ZNF385D: variants seen among roughly 807,000 people sequenced by gnomAD.
ZNF385D encodes the protein zinc finger protein 659.
A neutral mutation model predicts 35.8 loss-of-function variants in ZNF385D; 15 were observed. The ratio of observed to expected loss-of-function variants is 0.42; its 90% CI spans 0.28 to 0.64. The LOEUF (loss-of-function observed/expected upper bound fraction) is 0.64. Among genes scored for constraint, ZNF385D ranks in the 30% least tolerant of loss-of-function variants. ZNF385D has a pLI of 0.23. For synonymous variants in ZNF385D, 212 were observed against 186.8 expected, an observed-to-expected ratio of 1.13 and a Z score of -1.10; for missense variants, 474 against 494.6, an observed-to-expected ratio of 0.96 and a Z score of 0.39.
chr3:22,151,549 C>T (rs1301578115), intron 3 of ZNF385D, among the ~76,000 whole-genome samples: 2 of 152,136 alleles, frequency 1.3e-5, no homozygotes, highest in South Asian at 2.1e-4. Context: ...GACAAACAAA[C>T]CAACAAGGTC....
rs1195014463 is a variant in ZNF385D at position 22,338,351 on chromosome 3, A to T, written c.106+34099T>A. Among the ~76,000 whole-genome samples, 7 of 152,198 alleles carry T rather than the reference A, an allele frequency of 4.6e-5. No individual in the cohort carries two copies. The East Asian group carries it at 1.3e-3, about 29-fold the overall frequency. ...TGATCTTTTTAGTTTAATAATTCAAAGAAACACATAAGAGAGAGAAAATAT... is the reference window on the plus strand; with the variant it reads ...TGATCTTTTTAGTTTAATAATTCAATGAAACACATAAGAGAGAGAAAATAT... On this transcript the variant is annotated intron_variant, in intron 2 of 5. Transcript: ENST00000494108.
intron 3 of ZNF385D, among the ~76,000 whole-genome samples, chr3:22,077,699 T>A (rs1453495342): frequency 6.6e-6 from 1 of 152,026 alleles, no homozygotes. Flanking sequence ...GAGATGCTTC[T>A]CGGCAGATGT....
In ZNF385D at chr3:21,681,298, T is replaced by TAAAAAAAAAAAAAAAAAA. The variant is rs55872870; in HGVS notation, c.23-16288_23-16271dup. Reference sequence around the variant, plus strand: ...AGCCTATGTGAATATATTCCATCAGTAAAAAAAAAAAAAAAAAAAAAAAAA... The same window carrying TAAAAAAAAAAAAAAAAAA: ...AGCCTATGTGAATATATTCCATCAGTAAAAAAAAAAAAAAAAAAAAAAAAAAAAAAAAAAAAAAAAAAA... On this transcript the variant is annotated intron_variant, in intron 1 of 7. Transcript: ENST00000281523. Among the ~76,000 whole-genome samples, 6 of 64,474 alleles carry TAAAAAAAAAAAAAAAAAA rather than the reference T, an allele frequency of 9.3e-5. 2 individuals are homozygous for TAAAAAAAAAAAAAAAAAA. The highest frequency in any genetic ancestry group is 2.6e-4 in the Admixed American group (1 of 3,788). 42.3% of individuals were successfully genotyped at this position (64,474 alleles called of 152,430 possible).
chr3:21,994,330 T>C (rs565612686), intron 3 of ZNF385D, among the ~76,000 whole-genome samples: 25 of 152,372 alleles, frequency 1.6e-4, no homozygotes, highest in African/African-American at 5.0e-4. Flanking sequence ...CTGGAAAGTT[T>C]ATCTATTGTA....
intron 3 of ZNF385D, among the ~76,000 whole-genome samples, chr3:21,820,354 C>T (rs1386672851): frequency 6.6e-6 from 1 of 151,644 alleles, no homozygotes; most frequent in Non-Finnish European, 1.5e-5. Flanking sequence ...AAAAACAACA[C>T]ATCTAAATAA....
intron 4 of ZNF385D, among the ~76,000 whole-genome samples, chr3:21,482,499 C>G (rs1412348675): frequency 6.6e-6 from 1 of 152,176 alleles, no homozygotes; most frequent in Non-Finnish European, 1.5e-5. Context: ...CCCATGGTCA[C>G]TGAAGTTCAG....
chr3:22,138,336 CA>C (rs1472468512), intron 3 of ZNF385D, among the ~76,000 whole-genome samples: 2 of 152,144 alleles, frequency 1.3e-5, no homozygotes, highest in Non-Finnish European at 2.9e-5. Flanking sequence ...CATATGGAAT[CA>C]AAATAGAACC....
At chr3:21,479,734 C>A (rs1476917463) in intron 4 of ZNF385D, among the ~76,000 whole-genome samples, 4 of 152,100 alleles carry the variant, frequency 2.6e-5, no homozygotes, top group African/African-American at 7.2e-5. Context: ...CTACATTTAC[C>A]TGCCTCTATA....
chr3:21,714,350 C>T (rs2068230587), intron 1 of ZNF385D, among the ~76,000 whole-genome samples: 1 of 152,128 alleles, frequency 6.6e-6, no homozygotes, highest in African/African-American at 2.4e-5. Flanking sequence ...AAACCTCCAA[C>T]ACCTCTTTCC....
intron 3 of ZNF385D, among the ~76,000 whole-genome samples, chr3:22,120,566 G>A (rs764337298): frequency 6.6e-6 from 1 of 152,138 alleles, no homozygotes; most frequent in East Asian, 1.9e-4. Context: ...AAATATTTCA[G>A]CTTTGAGTTC....
At chr3:22,018,119 C>A (rs983714192) in intron 3 of ZNF385D, among the ~76,000 whole-genome samples, 6 of 151,614 alleles carry the variant, frequency 4.0e-5, no homozygotes, top group African/African-American at 1.4e-4. Flanking sequence ...AAGTTAATTT[C>A]TATTCATAAG....
chr3:21,525,459 G>C (rs944110018), intron 3 of ZNF385D, among the ~76,000 whole-genome samples: 4 of 151,804 alleles, frequency 2.6e-5, no homozygotes, highest in African/African-American at 4.8e-5. Flanking sequence ...AAGCCGAGGC[G>C]GGCAGATCAC....
intron 1 of ZNF385D, among the ~76,000 whole-genome samples, chr3:21,700,382 G>A (rs2067636911): frequency 6.6e-6 from 1 of 152,200 alleles, no homozygotes; most frequent in African/African-American, 2.4e-5. Context: ...CTGACACCTA[G>A]TAAAGGAGTA....
intron 1 of ZNF385D, among the ~76,000 whole-genome samples, chr3:21,742,239 C>T (rs1045295029): frequency 6.6e-6 from 1 of 152,140 alleles, no homozygotes; most frequent in Non-Finnish European, 1.5e-5. Context: ...CTAATTTGTC[C>T]AAAGCCGTGC....
chr3:22,256,070 T>C (rs1671393915), intron 2 of ZNF385D, among the ~76,000 whole-genome samples: 1 of 151,716 alleles, frequency 6.6e-6, no homozygotes, highest in Non-Finnish European at 1.5e-5. Flanking sequence ...CCAGTCTACA[T>C]CTTTCTCCCA....
At chr3:21,847,774 G>T (rs1362750268) in intron 3 of ZNF385D, among the ~76,000 whole-genome samples, 1 of 151,910 alleles carries the variant, frequency 6.6e-6, no homozygotes, top group Non-Finnish European at 1.5e-5. Context: ...TTATTCCTTT[G>T]CAATCAGTAT....
intron 3 of ZNF385D, among the ~76,000 whole-genome samples, chr3:21,914,990 CTTGG>C (rs1397508273): frequency 8.7e-5 from 13 of 150,008 alleles, no homozygotes; most frequent in African/African-American, 3.2e-4. Context: ...AAGTTTGTGA[CTTGG>C]TTAATATAAG....
chr3:22,194,489 A>G (rs9820615), intron 2 of ZNF385D, among the ~76,000 whole-genome samples: 16,637 of 151,772 alleles, frequency 0.11, 2,468 homozygotes, highest in African/African-American at 0.34. Flanking sequence ...TTTTCCATTT[A>G]TATCTTTCTT....
At chr3:21,731,002 GTCT>G (rs1291104504) in intron 1 of ZNF385D, among the ~76,000 whole-genome samples, 5 of 152,090 alleles carry the variant, frequency 3.3e-5, no homozygotes, top group African/African-American at 1.2e-4. Context: ...TTAATGATAT[GTCT>G]AAGTAAACTT....
Sources: allele counts gnomAD v4.1 joint callset (sites outside exome capture counted in the v4.1 genomes callset), GRCh38; gene constraint gnomAD v4.1.1; transcripts MANE v1.5; gene names NCBI Gene and HGNC (gene_info 2026-07-23, HGNC 2026-07-21).